Variants in CHST11 observed in about 807,000 individuals in gnomAD.
CHST11 encodes carbohydrate sulfotransferase 11, also known as C4S-1.
CHST11 carries 9 observed loss-of-function variants against 30.4 expected under a neutral mutation model. That is an observed-to-expected ratio of 0.30 (90% CI 0.18 to 0.52). CHST11 has a LOEUF of 0.52. Ranked by LOEUF, CHST11 falls within the 20% of genes least tolerant of loss-of-function variation. CHST11 has a pLI of 0.97. For synonymous variants in CHST11, 152 were observed against 187.8 expected (o/e 0.81, Z 1.56); for missense variants, 348 against 460.6 (o/e 0.76, Z 2.24).
At chr12:104,739,364 A>C (rs2040328675) in intron 2 of CHST11, among the ~76,000 whole-genome samples, 1 of 152,196 alleles carries the variant, frequency 6.6e-6, no homozygotes, top group African/African-American at 2.4e-5. Flanking sequence ...AGGTAGAGTG[A>C]CTTCTCTCGG....
intron 2 of CHST11, among the ~76,000 whole-genome samples, chr12:104,682,858 G>T (rs903022971): frequency 2.6e-5 from 4 of 152,318 alleles, no homozygotes; most frequent in Admixed American, 2.6e-4. Context: ...CACTGCTCCT[G>T]GCCTTAATGA....
intron 1 of CHST11, among the ~76,000 whole-genome samples, chr12:104,484,989 G>A (rs1341597822): frequency 2.6e-5 from 4 of 152,198 alleles, no homozygotes; most frequent in Non-Finnish European, 5.9e-5. Flanking sequence ...AAATTCTCTG[G>A]ACTGTCTATT....
chr12:104,475,688 A>ATATATATATATATATATATATATATAT (rs1555226434), intron 1 of CHST11, among the ~76,000 whole-genome samples: 1 of 78,464 alleles, frequency 1.3e-5, no homozygotes, highest in Non-Finnish European at 2.9e-5. Flanking sequence ...ATATATATAT[A>ATATATATATATATATATATATATATAT]TATTTCTGAT....
In CHST11 at chr12:104,652,739, T is replaced by C. The variant is rs77670213; in HGVS notation, c.204+50748T>C. On this transcript the variant is annotated intron_variant, in intron 2 of 2. Transcript: ENST00000303694. ...CCCCAACAGGGCTCCCGGGTTGAAATGAAGCTGCTAATGGATGAGTCTTGT... is the reference window on the plus strand; with the variant it reads ...CCCCAACAGGGCTCCCGGGTTGAAACGAAGCTGCTAATGGATGAGTCTTGT... Among the ~76,000 whole-genome samples the C allele has an allele frequency of 8.2e-3, 1,256 of 152,294 alleles. 22 individuals carry two copies. Among genetic ancestry groups the C allele is most frequent in the African/African-American group, 0.029 (1,194 of 41,552 alleles).
Position 104,695,149 on chromosome 12 carries a change from G to A in CHST11, c.205-61800G>A, listed in dbSNP as rs78849369. ...TTCACAAGCAACAGGATTTCTTTGA[G>A]CCTCAGCTGTCCCATCTGTAAGATG... On this transcript the variant is annotated intron_variant, in intron 2 of 2. Coordinates refer to ENST00000303694, the MANE Select transcript of CHST11 (RefSeq NM_018413.6). Among the ~76,000 whole-genome samples, 34 of 152,314 alleles carry A rather than the reference G, an allele frequency of 2.2e-4. 1 individual carries two copies. The East Asian group carries it at 6.6e-3, about 29-fold the overall frequency.
At chr12:104,621,011 C>G (rs1005638989) in intron 2 of CHST11, among the ~76,000 whole-genome samples, 1 of 152,204 alleles carries the variant, frequency 6.6e-6, no homozygotes, top group Admixed American at 6.5e-5. Flanking sequence ...TAATACTGAG[C>G]GCAGAGTGTA....
chr12:104,746,630 AGTT>A (rs763919257), intron 2 of CHST11, among the ~76,000 whole-genome samples: 2 of 152,170 alleles, frequency 1.3e-5, no homozygotes, highest in Non-Finnish European at 2.9e-5. Context: ...GCAGAGATTC[AGTT>A]GTTGTTCCTT....
intron 2 of CHST11, among the ~76,000 whole-genome samples, chr12:104,642,200 A>G (rs1023588816): frequency 6.6e-6 from 1 of 152,202 alleles, no homozygotes; most frequent in Non-Finnish European, 1.5e-5. Flanking sequence ...ATGTGGCAGT[A>G]ATTAAAGGAT....
intron 2 of CHST11, among the ~76,000 whole-genome samples, chr12:104,752,978 G>A (rs925938120): frequency 6.6e-6 from 1 of 152,182 alleles, no homozygotes; most frequent in South Asian, 2.1e-4. Context: ...CGGGGATATC[G>A]CTATGGAAAG....
chr12:104,612,267 G>C (rs181528262), intron 2 of CHST11, among the ~76,000 whole-genome samples: 1 of 152,084 alleles, frequency 6.6e-6, no homozygotes, highest in Admixed American at 6.6e-5. Flanking sequence ...CAGAGATCAA[G>C]GAGCCAGCAG....
chr12:104,553,685 T>A (rs1377369261), intron 1 of CHST11, among the ~76,000 whole-genome samples: 1 of 151,906 alleles, frequency 6.6e-6, no homozygotes, highest in Non-Finnish European at 1.5e-5. Context: ...TGGGGGGAAA[T>A]CTGCCCCCAT....
intron 1 of CHST11, among the ~76,000 whole-genome samples, chr12:104,574,074 A>G (rs2038657936): frequency 6.6e-6 from 1 of 152,250 alleles, no homozygotes; most frequent in African/African-American, 2.4e-5. Context: ...ACTTCTCAAA[A>G]GAAGACATTT....
At position 104,538,419 on chromosome 12, in the gene CHST11, T is replaced by C. The variant is rs187911787; in HGVS notation, c.119-63487T>C. Among the ~76,000 whole-genome samples, 597 of 152,340 alleles carry C rather than the reference T, an allele frequency of 3.9e-3. 6 individuals carry two copies. The highest frequency in any genetic ancestry group is 0.014 in the African/African-American group (580 of 41,566). ...TTATCACTGTTGATGTTGACCTTCG[T>C]CTCTTGGCTAAGTAGTGTTCGTTGA... On this transcript the variant is annotated intron_variant, in intron 1 of 2. Coordinates refer to ENST00000303694, the MANE Select transcript of CHST11 (RefSeq NM_018413.6).
intron 2 of CHST11, among the ~76,000 whole-genome samples, chr12:104,704,901 G>A (rs970632314): frequency 1.3e-5 from 2 of 152,076 alleles, no homozygotes; most frequent in African/African-American, 2.4e-5. Flanking sequence ...TGAGAGGAGC[G>A]CACCCAGCTT....
chr12:104,544,155 A>AAAG (rs2038317078), intron 1 of CHST11, among the ~76,000 whole-genome samples: 1 of 30,560 alleles, frequency 3.3e-5, no homozygotes, highest in African/African-American at 9.4e-5. Flanking sequence ...AGAAAGAAAG[A>AAAG]AAGAAAGAAA....
chr12:104,711,450 T>C (rs2040087077), intron 2 of CHST11, among the ~76,000 whole-genome samples: 1 of 152,136 alleles, frequency 6.6e-6, no homozygotes. Context: ...CCTTATACTG[T>C]GAATAAACAG....
chr12:104,566,013 G>A (rs1456853998), intron 1 of CHST11, among the ~76,000 whole-genome samples: 1 of 152,148 alleles, frequency 6.6e-6, no homozygotes, highest in Non-Finnish European at 1.5e-5. Flanking sequence ...TTCCCCTTTT[G>A]CCTCCATTCC....
chr12:104,517,066 C>T (rs1704907), intron 1 of CHST11, among the ~76,000 whole-genome samples: 37,509 of 152,070 alleles, frequency 0.25, 5,580 homozygotes, highest in African/African-American at 0.41. Flanking sequence ...ATAGCTGTTA[C>T]TGCCACTTAA....
intron 1 of CHST11, among the ~76,000 whole-genome samples, chr12:104,468,590 C>T (rs535238808): frequency 7.2e-4 from 110 of 152,322 alleles, no homozygotes; most frequent in Admixed American, 1.6e-3. Flanking sequence ...AGACATTCTG[C>T]GAAGGGTGGG....
Sources: gnomAD v4.1 joint callset for allele counts (sites outside exome capture counted in the v4.1 genomes callset) on GRCh38, gnomAD v4.1.1 for gene constraint, MANE v1.5 for transcripts, NCBI Gene and HGNC (gene_info 2026-07-23, HGNC 2026-07-21) for gene names.